Variants in GMDS observed in about 807,000 individuals in gnomAD.
The protein encoded by GMDS is GDP-mannose 4,6-dehydratase.
A neutral mutation model predicts 49.9 loss-of-function variants in GMDS; 20 were observed. That is an observed-to-expected ratio of 0.40 (90% CI 0.28 to 0.58). GMDS has a LOEUF of 0.58. Among genes scored for constraint, GMDS ranks in the 20% least tolerant of loss-of-function variants. The pLI, the probability that GMDS is intolerant of heterozygous loss-of-function variation, is 0.42. For missense variants in GMDS, 362 were observed against 481.4 expected (o/e 0.75, Z 2.32); for synonymous variants, 177 against 178.6 (o/e 0.99, Z 0.07).
chr6:2,216,709 C>T (rs968103935), intron 1 of GMDS, among the ~76,000 whole-genome samples: 3 of 151,028 alleles, frequency 2.0e-5, no homozygotes, highest in Non-Finnish European at 4.4e-5. Context: ...TGCACACATA[C>T]AAATTTTCTA....
At chr6:2,188,767 T>G (rs1778888931) in intron 1 of GMDS, among the ~76,000 whole-genome samples, 1 of 152,114 alleles carries the variant, frequency 6.6e-6, no homozygotes, top group Non-Finnish European at 1.5e-5. Flanking sequence ...GGAGGAACCA[T>G]GAGGCCTTCT....
chr6:2,039,385 A>G (rs1032195020), intron 4 of GMDS, among the ~76,000 whole-genome samples: 6 of 152,180 alleles, frequency 3.9e-5, no homozygotes, highest in African/African-American at 1.4e-4. Context: ...CTGTACACTT[A>G]GGCTATATTA....
chr6:2,029,927 T>C (rs1768846147), intron 4 of GMDS, among the ~76,000 whole-genome samples: 1 of 152,194 alleles, frequency 6.6e-6, no homozygotes, highest in Non-Finnish European at 1.5e-5. Flanking sequence ...TCTTCTGTGC[T>C]GGGGGCCTCC....
chr6:2,052,790 T>A (rs188024995), intron 4 of GMDS, among the ~76,000 whole-genome samples: 18 of 152,292 alleles, frequency 1.2e-4, no homozygotes, highest in African/African-American at 3.6e-4. Context: ...AATCCAGATA[T>A]CTGGAGCTGT....
intron 1 of GMDS, chr6:2,176,034 C>T (rs1581752469): frequency 6.6e-7 from 1 of 1,524,584 alleles, no homozygotes; most frequent in East Asian, 2.5e-5. Context: ...AGATGCTTTA[C>T]TGTCAAGAGG....
In GMDS at chr6:2,183,064, G is replaced by T. The variant is rs148644958; in HGVS notation, c.103-58333C>A. ...TGACAATGTACCTAGTTACCCAAGA[G>T]CTCTGATGGAGATGTACAAGGAGGT... On this transcript the variant is annotated intron_variant, in intron 1 of 10. Coordinates refer to ENST00000380815, the MANE Select transcript of GMDS (RefSeq NM_001500.4). 7.7e-4 allele frequency among the ~76,000 whole-genome samples: 118 copies of T among 152,290 alleles called. No homozygotes were observed. The East Asian group carries it at 0.021, about 28-fold the overall frequency.
At chr6:2,096,049 T>C (rs544084929) in intron 4 of GMDS, among the ~76,000 whole-genome samples, 1 of 152,170 alleles carries the variant, frequency 6.6e-6, no homozygotes, top group East Asian at 1.9e-4. Context: ...AAATTAGCAA[T>C]AAAAACTGAA....
intron 4 of GMDS, among the ~76,000 whole-genome samples, chr6:2,038,430 C>T (rs924998889): frequency 6.6e-6 from 1 of 152,204 alleles, no homozygotes; most frequent in Non-Finnish European, 1.5e-5. Flanking sequence ...CTTATGCTTT[C>T]ACACTGTCGA....
At chr6:1,962,751 TTATATA>T (rs1367592555) in intron 4 of GMDS, among the ~76,000 whole-genome samples, 1 of 151,886 alleles carries the variant, frequency 6.6e-6, no homozygotes, top group Admixed American at 6.6e-5. Flanking sequence ...CTGTAAAAGT[TTATATA>T]TATATACATA....
chr6:2,153,427 T>C (rs1216372499), intron 1 of GMDS, among the ~76,000 whole-genome samples: 1 of 151,876 alleles, frequency 6.6e-6, no homozygotes, highest in Admixed American at 6.6e-5. Context: ...AGGGAAAAAA[T>C]TTATGAATAT....
chr6:1,979,991 A>G (rs1280333929), intron 4 of GMDS, among the ~76,000 whole-genome samples: 1 of 152,142 alleles, frequency 6.6e-6, no homozygotes, highest in African/African-American at 2.4e-5. Flanking sequence ...CAGACAAACA[A>G]ATGCTGAGAA....
chr6:1,852,725 C>A (rs116484214), intron 7 of GMDS, among the ~76,000 whole-genome samples: 3,967 of 150,654 alleles, frequency 0.026, 172 homozygotes, highest in African/African-American at 0.091. Flanking sequence ...TTTTTTTTCC[C>A]GAGATGGAGT....
chr6:2,084,284 A>T (rs1223491583), intron 4 of GMDS, among the ~76,000 whole-genome samples: 2 of 152,220 alleles, frequency 1.3e-5, no homozygotes, highest in African/African-American at 2.4e-5. Flanking sequence ...AAGAGATTTT[A>T]AAAATCATAT....
intron 6 of GMDS, among the ~76,000 whole-genome samples, chr6:1,956,908 T>G (rs1401204828): frequency 1.3e-5 from 2 of 151,920 alleles, no homozygotes; most frequent in African/African-American, 4.8e-5. Flanking sequence ...TTCACACCAT[T>G]CTCCTGCCTC....
chr6:2,118,926 T>C (rs925951447), intron 2 of GMDS, among the ~76,000 whole-genome samples: 5 of 152,200 alleles, frequency 3.3e-5, no homozygotes, highest in Admixed American at 6.5e-5. Context: ...TTCAGGTTGC[T>C]ACTTAATTGT....
intron 7 of GMDS, among the ~76,000 whole-genome samples, chr6:1,764,478 T>TA (rs779228585): frequency 1.8e-4 from 27 of 152,236 alleles, no homozygotes; most frequent in Non-Finnish European, 3.5e-4. Context: ...TTAGACAACT[T>TA]ACTCATTTCA....
rs145090241 is a variant in GMDS, at chr6:2,229,253, T to C, written c.102+16068A>G. 5.3e-5 allele frequency among the ~76,000 whole-genome samples: 8 copies of C among 152,178 alleles called. No homozygotes were observed. The East Asian group carries it at 1.4e-3, about 26-fold the overall frequency. On this transcript the variant is annotated intron_variant, in intron 1 of 10. Transcript: ENST00000380815. ...GCACTTTCTTTCGTCCTAGTACAGATAAGGGTGGTTCAAAAAGACTCAAAA... is the reference window on the plus strand; with the variant it reads ...GCACTTTCTTTCGTCCTAGTACAGACAAGGGTGGTTCAAAAAGACTCAAAA...
At chr6:1,869,219 C>T (rs983328818) in intron 7 of GMDS, among the ~76,000 whole-genome samples, 3 of 152,204 alleles carry the variant, frequency 2.0e-5, no homozygotes, top group Admixed American at 1.3e-4. Context: ...CATAAGGTCT[C>T]ATACATGGAT....
intron 7 of GMDS, among the ~76,000 whole-genome samples, chr6:1,760,361 G>A (rs777088336): frequency 6.6e-6 from 1 of 152,216 alleles, no homozygotes; most frequent in African/African-American, 2.4e-5. Context: ...GGAGCTCCAG[G>A]GGGGATAAGT....
Sources: allele counts gnomAD v4.1 joint callset (sites outside exome capture counted in the v4.1 genomes callset), GRCh38; gene constraint gnomAD v4.1.1; transcripts MANE v1.5; gene names NCBI Gene and HGNC (gene_info 2026-07-23, HGNC 2026-07-21).